Variants in RBMS3 observed in about 807,000 individuals in gnomAD.
The protein encoded by RBMS3 is RNA binding motif single stranded interacting protein 3.
RBMS3 carries 27 observed loss-of-function variants against 66.8 expected under a neutral mutation model. The ratio of observed to expected loss-of-function variants is 0.40; its 90% CI spans 0.30 to 0.56. The LOEUF is 0.56. Among genes scored for constraint, RBMS3 ranks in the 20% least tolerant of loss-of-function variants. The pLI, the probability that RBMS3 is intolerant of heterozygous loss-of-function variation, is 0.40. For missense variants in RBMS3, 513 were observed against 549.5 expected (o/e 0.93, Z 0.66); for synonymous variants, 188 against 183.0 (o/e 1.03, Z -0.22).
chr3:29,664,431 T>A (rs1009667091), intron 4 of RBMS3, among the ~76,000 whole-genome samples: 8 of 152,034 alleles, frequency 5.3e-5, no homozygotes, highest in African/African-American at 1.9e-4. Context: ...AAGGTTGCAG[T>A]GAGCCGAGAT....
chr3:29,386,659 G>T (rs1365629594), intron 1 of RBMS3, among the ~76,000 whole-genome samples: 1 of 152,102 alleles, frequency 6.6e-6, no homozygotes, highest in Non-Finnish European at 1.5e-5. Context: ...CAGACATGCT[G>T]CAATGCTTCC....
chr3:29,623,122 T>C (rs1446631808), intron 4 of RBMS3, among the ~76,000 whole-genome samples: 2 of 111,506 alleles, frequency 1.8e-5, no homozygotes, highest in African/African-American at 6.6e-5. Context: ...AAAAAAGGAG[T>C]CCCTATTTCA....
intron 3 of RBMS3, among the ~76,000 whole-genome samples, chr3:29,524,755 A>G (rs2045023561): frequency 6.6e-6 from 1 of 152,058 alleles, no homozygotes; most frequent in South Asian, 2.1e-4. Context: ...ACATTCTGAA[A>G]AAATGACCTC....
intron 3 of RBMS3, among the ~76,000 whole-genome samples, chr3:29,579,042 C>G (rs1221907955): frequency 6.7e-6 from 1 of 150,106 alleles, no homozygotes. Context: ...ACCTCATGAT[C>G]CACCCGCCTC....
Position 29,819,736 on chromosome 3 carries a change from C to A in RBMS3, c.638-49122C>A, listed in dbSNP as rs187213197. Among the ~76,000 whole-genome samples the A allele has an allele frequency of 2.9e-3, 434 of 152,248 alleles. 6 individuals are homozygous for A. Among genetic ancestry groups the A allele is most frequent in the African/African-American group, 9.5e-3 (396 of 41,556 alleles). On this transcript the variant is annotated intron_variant, in intron 6 of 14. Coordinates refer to ENST00000383767, the MANE Select transcript of RBMS3 (RefSeq NM_001003793.3). ...TTCTCTGTGGTACTGTATTGACTGA[C>A]ATTCAGGGTACTTATCAGATTTTCT...
intron 1 of RBMS3, among the ~76,000 whole-genome samples, chr3:29,310,776 T>A (rs546900285): frequency 1.3e-5 from 2 of 151,806 alleles, no homozygotes; most frequent in South Asian, 4.1e-4. Flanking sequence ...GATGAAAATT[T>A]ATTGTCATGT....
At chr3:29,654,702 C>A (rs2149218512) in intron 4 of RBMS3, among the ~76,000 whole-genome samples, 1 of 151,386 alleles carries the variant, frequency 6.6e-6, no homozygotes. Context: ...GTGATTCTCT[C>A]ACCTCAGCCA....
chr3:29,681,681 A>T (rs1356728446), intron 4 of RBMS3, among the ~76,000 whole-genome samples: 1 of 152,112 alleles, frequency 6.6e-6, no homozygotes, highest in Non-Finnish European at 1.5e-5. Flanking sequence ...AAAGGACATG[A>T]TCTTCTTCCT....
chr3:29,377,956 A>G (rs1202730002), intron 1 of RBMS3, among the ~76,000 whole-genome samples: 1 of 152,192 alleles, frequency 6.6e-6, no homozygotes, highest in African/African-American at 2.4e-5. Flanking sequence ...TAATCAGCCT[A>G]TGTATATTGA....
chr3:29,442,924 A>T (rs1424724155), intron 2 of RBMS3, among the ~76,000 whole-genome samples: 1 of 151,714 alleles, frequency 6.6e-6, no homozygotes, highest in Non-Finnish European at 1.5e-5. Flanking sequence ...TTTTCTGGAG[A>T]TTGGACCCCT....
rs534326931 is a variant in RBMS3, at chr3:29,597,645, A to G, written c.399+10440A>G. On this transcript the variant is annotated intron_variant, in intron 4 of 14. Transcript: ENST00000383767. ...GTAAGCACATTAACTCCTTCTTCAT[A>G]TCTAAGAAGTATTCCAAACTTAAGA... 5.9e-5 allele frequency among the ~76,000 whole-genome samples: 9 copies of G among 152,290 alleles called. No homozygotes were observed. In the Middle Eastern group the frequency reaches 0.014, roughly 230 times the overall value.
rs1304079277 is a variant in RBMS3, at chr3:29,388,856, G to A, written c.76-45887G>A. Among the ~76,000 whole-genome samples the A allele has an allele frequency of 2.2e-4, 33 of 152,072 alleles. 1 individual carries two copies. Among genetic ancestry groups the A allele is most frequent in the Admixed American group, 2.1e-3 (32 of 15,270 alleles). On this transcript the variant is annotated intron_variant, in intron 1 of 14. Coordinates refer to ENST00000383767, the MANE Select transcript of RBMS3 (RefSeq NM_001003793.3). ...TGGGATTACAGGCGTGAGTCACTGC[G>A]CCTGGCCCAAAATTTTTCTGTTGCA...
intron 1 of RBMS3, among the ~76,000 whole-genome samples, chr3:29,332,231 G>C (rs188647286): frequency 1.5e-4 from 23 of 152,036 alleles, no homozygotes; most frequent in Non-Finnish European, 2.6e-4. Context: ...AGTGAATATC[G>C]GAATATCAGG....
intron 1 of RBMS3, among the ~76,000 whole-genome samples, chr3:29,369,017 A>G (rs1031811398): frequency 6.6e-6 from 1 of 152,200 alleles, no homozygotes; most frequent in Non-Finnish European, 1.5e-5. Context: ...TTGCAGGAAC[A>G]TGGATAGAGC....
intron 4 of RBMS3, among the ~76,000 whole-genome samples, chr3:29,649,701 T>C (rs945555882): frequency 2.0e-5 from 3 of 152,210 alleles, no homozygotes; most frequent in Admixed American, 6.5e-5. Context: ...TGACACATTG[T>C]CATTCATGAA....
intron 12 of RBMS3, among the ~76,000 whole-genome samples, chr3:29,970,730 C>G (rs1435119906): frequency 6.6e-6 from 1 of 152,078 alleles, no homozygotes; most frequent in Non-Finnish European, 1.5e-5. Flanking sequence ...TTTATTTGCT[C>G]TCTTTATTCT....
At chr3:29,721,700 A>G (rs2053651037) in intron 4 of RBMS3, among the ~76,000 whole-genome samples, 1 of 152,232 alleles carries the variant, frequency 6.6e-6, no homozygotes. Flanking sequence ...TAATGAGGAA[A>G]TAATTCTGAA....
At chr3:29,821,458 G>A (rs961420702) in intron 6 of RBMS3, among the ~76,000 whole-genome samples, 5 of 152,212 alleles carry the variant, frequency 3.3e-5, no homozygotes, top group African/African-American at 1.2e-4. Flanking sequence ...CCAAAACAAA[G>A]TGGGACAGTA....
chr3:29,340,540 A>G (rs1471443470), intron 1 of RBMS3, among the ~76,000 whole-genome samples: 2 of 152,156 alleles, frequency 1.3e-5, no homozygotes, highest in African/African-American at 4.8e-5. Flanking sequence ...TGTTCATCAT[A>G]TTCTTTATAG....
Sources: gnomAD v4.1 joint callset for allele counts (sites outside exome capture counted in the v4.1 genomes callset) on GRCh38, gnomAD v4.1.1 for gene constraint, MANE v1.5 for transcripts, NCBI Gene and HGNC (gene_info 2026-07-23, HGNC 2026-07-21) for gene names.